SLC36A1: variants seen among roughly 807,000 people sequenced by gnomAD.
SLC36A1 encodes proton-coupled amino acid transporter 1.
Under a neutral mutation model 47.5 loss-of-function variants are expected in SLC36A1, and 30 were observed. The ratio of observed to expected loss-of-function variants is 0.63; its 90% CI spans 0.47 to 0.86. The LOEUF (loss-of-function observed/expected upper bound fraction) is 0.86, where lower values mean the gene tolerates loss of function less well. SLC36A1 is among the 40% of genes least tolerant of loss of function. The probability of loss-of-function intolerance (pLI) is 0.00; values close to 1 mark genes in which losing one functional copy is unlikely to be tolerated. For synonymous variants in SLC36A1, 255 were observed against 249.7 expected, an observed-to-expected ratio of 1.02 and a Z score of -0.20; for missense variants, 517 against 606.0, an observed-to-expected ratio of 0.85 and a Z score of 1.54.
chr5:151,362,052 A>C, the SLC36A1 span, among the ~76,000 whole-genome samples: 2 of 152,040 alleles, frequency 1.3e-5, no homozygotes, highest in Non-Finnish European at 2.9e-5. Flanking sequence ...GGGTAGCCTT[A>C]TTTGGGTTGA....
chr5:151,347,269 A>G, the SLC36A1 span: 1 of 1,613,738 alleles, frequency 6.2e-7, no homozygotes, highest in African/African-American at 1.3e-5. Context: ...AGAAAGCAGA[A>G]ATAGGGATGG....
At chr5:151,466,899 G>A (rs1756475349) in intron 5 of SLC36A1, among the ~76,000 whole-genome samples, 1 of 152,096 alleles carries the variant, frequency 6.6e-6, no homozygotes, top group Non-Finnish European at 1.5e-5. Flanking sequence ...CAGACCAGTG[G>A]CACCTAGCAT....
rs1759934300 is a variant in SLC36A1, at chr5:151,489,488, G to A, written c.*1234G>A. 1 of 152,668 alleles carries A rather than the reference G, an allele frequency of 6.6e-6. No homozygotes were observed. The highest frequency in any genetic ancestry group is 1.5e-5 in the Non-Finnish European group (1 of 68,056). The allele number at this position is 152,668 out of a possible 1,614,324, so 9.5% of individuals were successfully genotyped here. On this transcript the variant is annotated 3_prime_UTR_variant, in exon 11 of 11. Transcript: ENST00000243389. This position sits in a 1 kb window ranked among gnomAD's most constrained non-coding sequence, Gnocchi z 4.5. ...CGCAGTGCTCGGTTGTTTACAATCAGTGGGGAAAAGGGCAGAACCAGTGCC... is the reference window on the plus strand; with the variant it reads ...CGCAGTGCTCGGTTGTTTACAATCAATGGGGAAAAGGGCAGAACCAGTGCC...
chr5:151,488,309 C>G lies in SLC36A1; in HGVS notation c.*55C>G, dbSNP rs1759834679. The G allele has an allele frequency of 1.3e-6, 2 of 1,585,126 alleles. No homozygotes were observed. Among genetic ancestry groups the G allele is most frequent in the Admixed American group, 3.4e-5 (2 of 58,204 alleles). On this transcript the variant is annotated 3_prime_UTR_variant, in exon 11 of 11. Transcript: ENST00000243389. ...CCCCTGCCCCATGTGTCCCCCGTTACCTGTCCTCAGAGCCTCAGGTATGGT... is the reference window on the plus strand; with the variant it reads ...CCCCTGCCCCATGTGTCCCCCGTTAGCTGTCCTCAGAGCCTCAGGTATGGT...
upstream of SLC36A1, among the ~76,000 whole-genome samples, chr5:151,446,230 C>G (rs58826839): frequency 6.5e-3 from 994 of 152,222 alleles, 15 homozygotes; most frequent in East Asian, 0.027. Flanking sequence ...CTTTGACCCA[C>G]TGGTTGTTTC....
chr5:151,426,355 C>A, the SLC36A1 span, among the ~76,000 whole-genome samples: 2 of 151,862 alleles, frequency 1.3e-5, no homozygotes, highest in African/African-American at 4.8e-5. Context: ...TCTCCTATCT[C>A]GGTGAGGGGG....
the SLC36A1 span, among the ~76,000 whole-genome samples, chr5:151,391,718 T>A: frequency 1.6e-4 from 25 of 152,122 alleles, no homozygotes; most frequent in African/African-American, 5.8e-4. Context: ...TGATTTGTGT[T>A]TGTTGAACCA....
At chr5:151,538,356 T>A in the SLC36A1 span, among the ~76,000 whole-genome samples, 1 of 152,150 alleles carries the variant, frequency 6.6e-6, no homozygotes, top group Non-Finnish European at 1.5e-5. Flanking sequence ...TTCTGGAAGG[T>A]GTCAGGTCAA....
At chr5:151,505,416 G>A in the SLC36A1 span, 1 of 915,596 alleles carries the variant, frequency 1.1e-6, no homozygotes, top group Non-Finnish European at 1.7e-6. Context: ...GTGGGGGATT[G>A]GAAGAGCACA....
At chr5:151,482,405 G>A (rs189312326) in intron 10 of SLC36A1, among the ~76,000 whole-genome samples, 9 of 152,122 alleles carry the variant, frequency 5.9e-5, no homozygotes, top group East Asian at 5.8e-4. Context: ...GGTGCTTTGC[G>A]CTTGATTTTA....
At chr5:151,528,299 G>A in the SLC36A1 span, among the ~76,000 whole-genome samples, 2 of 152,160 alleles carry the variant, frequency 1.3e-5, no homozygotes, top group Non-Finnish European at 2.9e-5. Context: ...TCCTCGTGTG[G>A]ACTTCAGCAT....
chr5:151,498,411 C>T, the SLC36A1 span, among the ~76,000 whole-genome samples: 2 of 152,176 alleles, frequency 1.3e-5, no homozygotes, highest in Non-Finnish European at 2.9e-5. Flanking sequence ...ATATTGTCTC[C>T]TTTAATACTC....
chr5:151,405,319 T>C, the SLC36A1 span, among the ~76,000 whole-genome samples: 1 of 151,436 alleles, frequency 6.6e-6, no homozygotes, highest in African/African-American at 2.4e-5. Context: ...TGCTACTTTC[T>C]CTTAAGTCTC....
upstream of SLC36A1, among the ~76,000 whole-genome samples, chr5:151,442,729 G>T (rs4958457): frequency 0.27 from 40,896 of 151,748 alleles, 6,431 homozygotes; most frequent in African/African-American, 0.44. Flanking sequence ...GTCCCTTTGA[G>T]CTCTAGACTT....
chr5:151,349,311 A>C, the SLC36A1 span, among the ~76,000 whole-genome samples: 2 of 152,078 alleles, frequency 1.3e-5, no homozygotes, highest in African/African-American at 4.8e-5. Context: ...AGGCATCGTC[A>C]GTGAAAAAAA....
At chr5:151,393,471 T>C in the SLC36A1 span, among the ~76,000 whole-genome samples, 1 of 152,220 alleles carries the variant, frequency 6.6e-6, no homozygotes, top group Non-Finnish European at 1.5e-5. Context: ...ATTTTGCTCG[T>C]CAGTTGATGC....
the SLC36A1 span, among the ~76,000 whole-genome samples, chr5:151,407,153 A>C: frequency 1.3e-5 from 2 of 151,984 alleles, no homozygotes; most frequent in Admixed American, 6.6e-5. Context: ...AGTGAGCAGC[A>C]GCAAGATTTA....
intron 7 of SLC36A1, among the ~76,000 whole-genome samples, 197 bp from the exon 8 acceptor site, chr5:151,473,476 G>A (rs1005467424): frequency 1.3e-5 from 2 of 152,150 alleles, no homozygotes; most frequent in Non-Finnish European, 2.9e-5. Context: ...CCCCAAACAA[G>A]TGGGTTTTTC....
intron 5 of SLC36A1, among the ~76,000 whole-genome samples, chr5:151,466,782 G>A (rs769588184): frequency 2.0e-5 from 3 of 152,160 alleles, no homozygotes; most frequent in Non-Finnish European, 4.4e-5. Flanking sequence ...AGTGGTCATG[G>A]TGTCTGTGCA....
Sources: gnomAD v4.1 joint callset for allele counts (sites outside exome capture counted in the v4.1 genomes callset) on GRCh38, gnomAD v4.1.1 for gene constraint, Gnocchi (gnomAD v3.1) non-coding constraint, MANE v1.5 for transcripts, NCBI Gene and HGNC (gene_info 2026-07-23, HGNC 2026-07-21) for gene names.